The following MALRD1 variants were observed in gnomAD, a reference collection of about 807,000 sequenced individuals.
MALRD1 encodes the protein MAM and LDL receptor class A domain containing 1.
In MALRD1, 247 loss-of-function variants were observed where a neutral mutation model predicts 242.1. The observed-to-expected ratio is 1.02, with a 90% CI of 0.92 to 1.13. The LOEUF (loss-of-function observed/expected upper bound fraction) is 1.13, where lower values mean the gene tolerates loss of function less well. Ranked by LOEUF, MALRD1 falls within the 50% of genes most tolerant of loss-of-function variation. The pLI is 0.00. For missense variants in MALRD1, 2,989 were observed against 2,533.1 expected (o/e 1.18, Z -3.86); for synonymous variants, 995 against 866.6 (o/e 1.15, Z -2.60).
chr10:19,193,855 T>C (rs914056410), intron 14 of MALRD1, among the ~76,000 whole-genome samples: 1 of 151,500 alleles, frequency 6.6e-6, no homozygotes, highest in African/African-American at 2.4e-5. Flanking sequence ...TATATATATA[T>C]ACACACACAT....
At chr10:19,498,738 G>A in intron 31 of MALRD1, 92 bp downstream of exon 31, 1 of 1,394,854 alleles carries the variant, frequency 7.2e-7, no homozygotes, top group South Asian at 1.4e-5. Context: ...CATTTCTTAT[G>A]TGTATGTGGG....
At chr10:19,633,563 A>G (rs1048137096) in intron 36 of MALRD1, 1 of 152,134 alleles carries the variant, frequency 6.6e-6, no homozygotes, top group African/African-American at 2.4e-5. Flanking sequence ...CATATTAGTA[A>G]TGCCAGCCTG....
At chr10:19,508,622 G>A (rs999428538) in intron 31 of MALRD1, among the ~76,000 whole-genome samples, 1 of 152,124 alleles carries the variant, frequency 6.6e-6, no homozygotes, top group Non-Finnish European at 1.5e-5. Flanking sequence ...TTTCAAATAT[G>A]TAGTAACAAG....
At chr10:19,251,873 T>A (rs1839306149) in intron 18 of MALRD1, among the ~76,000 whole-genome samples, 1 of 151,632 alleles carries the variant, frequency 6.6e-6, no homozygotes, top group East Asian at 2.0e-4. Context: ...GGAGTTCTCA[T>A]GAGATCTGGT....
chr10:19,125,542 TCTTC>T (rs1296503907), intron 7 of MALRD1, among the ~76,000 whole-genome samples: 1 of 151,412 alleles, frequency 6.6e-6, no homozygotes, highest in Non-Finnish European at 1.5e-5. Context: ...TTTTTTTCTT[TCTTC>T]CTTTTCTTGG....
intron 32 of MALRD1, among the ~76,000 whole-genome samples, chr10:19,547,587 A>G (rs1384339740): frequency 6.6e-6 from 1 of 151,406 alleles, no homozygotes; most frequent in East Asian, 1.9e-4. Flanking sequence ...TTAACATGAC[A>G]TGACTTATCC....
At chr10:19,263,144 C>T (rs1839827878) in intron 19 of MALRD1, among the ~76,000 whole-genome samples, 1 of 152,120 alleles carries the variant, frequency 6.6e-6, no homozygotes, top group Non-Finnish European at 1.5e-5. Context: ...TTTATTGCCC[C>T]TGGATATACA....
chr10:19,454,404 T>TTATATATATATATATATATA (rs1564356457), intron 29 of MALRD1, among the ~76,000 whole-genome samples: 2 of 30,402 alleles, frequency 6.6e-5, no homozygotes, highest in Non-Finnish European at 1.4e-4. Flanking sequence ...ATTATGCATA[T>TTATATATATATATATATATA]GATATATATA....
chr10:19,671,036 G>A (rs895350017), intron 36 of MALRD1, among the ~76,000 whole-genome samples: 3 of 151,910 alleles, frequency 2.0e-5, no homozygotes, highest in East Asian at 3.9e-4. Flanking sequence ...CCGCCACCAC[G>A]CCTGGCTAAT....
chr10:19,290,120 A>T (rs1401306991), intron 21 of MALRD1: 1 of 152,094 alleles, frequency 6.6e-6, no homozygotes, highest in Admixed American at 6.6e-5. Flanking sequence ...TAAAATGCAT[A>T]TTTTTTACCA....
chr10:19,697,215 A>T (rs916035617), intron 38 of MALRD1, among the ~76,000 whole-genome samples: 11 of 152,250 alleles, frequency 7.2e-5, no homozygotes, highest in Middle Eastern at 6.8e-3. Flanking sequence ...GCAAGCTTGA[A>T]ACCTGTAAGG....
intron 14 of MALRD1, among the ~76,000 whole-genome samples, chr10:19,185,154 G>A (rs1343635883): frequency 6.6e-6 from 1 of 152,060 alleles, no homozygotes; most frequent in Non-Finnish European, 1.5e-5. Context: ...TAGTATAAAT[G>A]GTACATTTTC....
intron 25 of MALRD1, among the ~76,000 whole-genome samples, chr10:19,348,450 C>CA (rs138513051): frequency 0.06 from 8,967 of 150,064 alleles, 541 homozygotes; most frequent in African/African-American, 0.16. Flanking sequence ...GTTAGAGCCA[C>CA]AAAAAAAAAT....
chr10:19,388,233 C>G (rs771281817), intron 27 of MALRD1, among the ~76,000 whole-genome samples: 1 of 152,138 alleles, frequency 6.6e-6, no homozygotes, highest in Middle Eastern at 3.2e-3. Context: ...CTAACAGCCT[C>G]ATTTTAACCT....
intron 26 of MALRD1, among the ~76,000 whole-genome samples, chr10:19,366,451 T>G (rs1845112935): frequency 6.6e-6 from 1 of 152,138 alleles, no homozygotes; most frequent in South Asian, 2.1e-4. Context: ...ACTTGCCCGC[T>G]GCTCACCTCC....
intron 32 of MALRD1, among the ~76,000 whole-genome samples, chr10:19,550,719 C>T (rs907501069): frequency 6.6e-6 from 1 of 152,086 alleles, no homozygotes; most frequent in Non-Finnish European, 1.5e-5. Context: ...TGTGTATGTA[C>T]CACATTTTCC....
intron 5 of MALRD1, among the ~76,000 whole-genome samples, chr10:19,114,463 C>A (rs1233197982): frequency 6.6e-6 from 1 of 151,970 alleles, no homozygotes; most frequent in African/African-American, 2.4e-5. Flanking sequence ...ATGGTGAAAC[C>A]CCATCTCTAC....
intron 29 of MALRD1, among the ~76,000 whole-genome samples, chr10:19,471,738 A>G (rs80316257): frequency 0.088 from 13,365 of 151,214 alleles, 657 homozygotes; most frequent in Middle Eastern, 0.12. Flanking sequence ...TTTATCATGA[A>G]GAAACACTAC....
At chr10:19,264,443 CT>C in intron 19 of MALRD1, among the ~76,000 whole-genome samples, 1 of 145,998 alleles carries the variant, frequency 6.8e-6, no homozygotes, top group Admixed American at 6.8e-5. Context: ...TTTTTTTTTC[CT>C]TTTTTCTTTT....
Sources: gnomAD v4.1 joint callset for allele counts (sites outside exome capture counted in the v4.1 genomes callset) on GRCh38, gnomAD v4.1.1 for gene constraint, MANE v1.5 for transcripts, NCBI Gene and HGNC (gene_info 2026-07-23, HGNC 2026-07-21) for gene names.